Variants in REV1 observed in about 807,000 individuals in gnomAD.
The protein encoded by REV1 is REV1 DNA directed polymerase.
In REV1, 42 loss-of-function variants were observed where a neutral mutation model predicts 137.4. The observed-to-expected ratio is 0.31, with a 90% CI of 0.24 to 0.40. REV1 has a LOEUF of 0.40. Ranked by LOEUF, REV1 falls within the 10% of genes least tolerant of loss-of-function variation. The pLI is 1.00. For synonymous variants in REV1, 524 were observed against 519.2 expected, an observed-to-expected ratio of 1.01 and a Z score of -0.12; for missense variants, 1,282 against 1,490.1, an observed-to-expected ratio of 0.86 and a Z score of 2.30.
chr2:99,408,274 C>T (rs1676622201), intron 14 of REV1, 143 bp from the exon 15 acceptor site: 1 of 422,736 alleles, frequency 2.4e-6, no homozygotes, highest in East Asian at 3.6e-5. Flanking sequence ...CCATAGTCTC[C>T]CTTCAAGGAA....
intron 1 of REV1, among the ~76,000 whole-genome samples, chr2:99,467,999 G>T (rs1315727816): frequency 6.6e-6 from 1 of 152,150 alleles, no homozygotes; most frequent in Non-Finnish European, 1.5e-5. Context: ...TGACCAACAT[G>T]GAGAAACCCT....
intron 1 of REV1, among the ~76,000 whole-genome samples, chr2:99,474,013 T>C (rs1202241074): frequency 6.6e-6 from 1 of 152,126 alleles, no homozygotes; most frequent in Admixed American, 6.6e-5. Flanking sequence ...TTGCAGAAAA[T>C]TGGAAAATAC....
intron 1 of REV1, among the ~76,000 whole-genome samples, chr2:99,477,188 G>A (rs916127146): frequency 3.9e-5 from 6 of 152,176 alleles, no homozygotes; most frequent in African/African-American, 1.2e-4. Context: ...GAGGCAGAGT[G>A]GGCAACCAGA....
At chr2:99,458,546 TG>T (rs1683788770) in intron 3 of REV1, among the ~76,000 whole-genome samples, 1 of 152,218 alleles carries the variant, frequency 6.6e-6, no homozygotes, top group Admixed American at 6.5e-5. Context: ...AAACTAAAGA[TG>T]TAACTATTAC....
intron 1 of REV1, among the ~76,000 whole-genome samples, chr2:99,466,151 C>G (rs1206808100): frequency 6.6e-6 from 1 of 152,132 alleles, no homozygotes; most frequent in East Asian, 1.9e-4. Flanking sequence ...CGGCGTTTCA[C>G]CATGTGAGCC....
intron 2 of REV1, among the ~76,000 whole-genome samples, chr2:99,463,216 C>G (rs2105127857): frequency 6.6e-6 from 1 of 151,740 alleles, no homozygotes; most frequent in South Asian, 2.1e-4. Context: ...TTAAAAAAAG[C>G]TAAGTCAATA....
At chr2:99,429,991 G>T in intron 8 of REV1, 43 bp from the exon 9 acceptor site, 2 of 1,203,844 alleles carry the variant, frequency 1.7e-6, no homozygotes, top group Non-Finnish European at 1.1e-6. Context: ...GTTATAAACT[G>T]ATTTTCCCTC....
At position 99,471,850 on chromosome 2, in the gene REV1, A is replaced by C. The variant is rs183648345; in HGVS notation, c.-10-6865T>G. ...CTATGGAAATGCAAATAGAAACCACAATGAGATACCACCTCACACCCAGCA... is the reference window on the plus strand; with the variant it reads ...CTATGGAAATGCAAATAGAAACCACCATGAGATACCACCTCACACCCAGCA... On this transcript the variant is annotated intron_variant, in intron 1 of 22. Coordinates refer to ENST00000258428, the MANE Select transcript of REV1 (RefSeq NM_016316.4). Among the ~76,000 whole-genome samples the C allele has an allele frequency of 2.0e-3, 299 of 151,600 alleles. 2 individuals are homozygous for C. The highest frequency in any genetic ancestry group is 7.0e-3 in the African/African-American group (291 of 41,318).
At chr2:99,462,136 C>T (rs896590232) in intron 3 of REV1, among the ~76,000 whole-genome samples, 1 of 152,138 alleles carries the variant, frequency 6.6e-6, no homozygotes, top group African/African-American at 2.4e-5. Flanking sequence ...GACACACACC[C>T]ACACACCACC....
chr2:99,426,346 T>C (rs1171583185), intron 9 of REV1, among the ~76,000 whole-genome samples: 3 of 143,896 alleles, frequency 2.1e-5, no homozygotes, highest in Admixed American at 6.9e-5. Context: ...AAATTCTATC[T>C]CAAAAAAAAA....
At chr2:99,404,413 C>T (rs921743732) in intron 18 of REV1, 31 bp downstream of exon 18, 3 of 1,548,684 alleles carry the variant, frequency 1.9e-6, no homozygotes, top group Non-Finnish European at 2.7e-6. Flanking sequence ...AATATTGAAA[C>T]TACAGCAGAG....
intron 3 of REV1, among the ~76,000 whole-genome samples, chr2:99,455,130 C>T (rs1472156322): frequency 6.6e-6 from 1 of 152,218 alleles, no homozygotes; most frequent in East Asian, 1.9e-4. Flanking sequence ...GCACCATTTC[C>T]TCCTGCATAT....
At chr2:99,424,115 A>G (rs530809809) in intron 10 of REV1, 37 bp downstream of exon 10, 2 of 1,600,836 alleles carry the variant, frequency 1.2e-6, no homozygotes, top group East Asian at 2.3e-5. Flanking sequence ...AAAAGAAGGA[A>G]AACACAGACA....
At chr2:99,480,159 A>T (rs1400218670) in intron 1 of REV1, among the ~76,000 whole-genome samples, 1 of 152,166 alleles carries the variant, frequency 6.6e-6, no homozygotes, top group Non-Finnish European at 1.5e-5. Flanking sequence ...GTCTCCACAA[A>T]AAATTTGTTT....
intron 7 of REV1, 41 bp downstream of exon 7, chr2:99,435,791 AAC>A: frequency 1.0e-6 from 1 of 964,178 alleles, no homozygotes; most frequent in Non-Finnish European, 1.6e-6. Flanking sequence ...ATATATTTAT[AAC>A]AATATATCAG....
At position 99,418,892 on chromosome 2, in the gene REV1, C is replaced by T. The variant is rs1320672966; in HGVS notation, c.1887G>A (p.Gln629=). 12 of 1,612,064 alleles carry T rather than the reference C, an allele frequency of 7.4e-6. No individual in the cohort carries two copies. The highest frequency in any genetic ancestry group is 9.3e-6 in the Non-Finnish European group (11 of 1,178,546). The change falls in exon 12 of 23, where the codon CAG becomes CAA. Residue 629 remains glutamine (Q), a synonymous_variant. Coordinates refer to ENST00000258428, the MANE Select transcript of REV1 (RefSeq NM_016316.4). The part of the protein sequence containing the change: ...MATRKAKPDG[Q]YHLKPEEVDD... ...CTACTTCTTCTGGTTTTAGGTGGTACTGCCCATCTGGTTTTGCTTTTCTAG... is the reference window on the plus strand; with the variant it reads ...CTACTTCTTCTGGTTTTAGGTGGTATTGCCCATCTGGTTTTGCTTTTCTAG...
intron 1 of REV1, among the ~76,000 whole-genome samples, chr2:99,466,395 A>G (rs1341966919): frequency 6.6e-6 from 1 of 151,936 alleles, no homozygotes; most frequent in Non-Finnish European, 1.5e-5. Flanking sequence ...GGCACCTGCC[A>G]CCATGCCTGG....
At chr2:99,431,976 C>T in intron 8 of REV1, 1 of 841,120 alleles carries the variant, frequency 1.2e-6, no homozygotes, top group Non-Finnish European at 1.4e-6. Flanking sequence ...AAATCTATGA[C>T]TAATACGATT....
At chr2:99,443,259 G>T (rs1177451537) in intron 4 of REV1, among the ~76,000 whole-genome samples, 1 of 151,968 alleles carries the variant, frequency 6.6e-6, no homozygotes, top group Non-Finnish European at 1.5e-5. Context: ...TTTAATATTA[G>T]AAAATATTTC....
Sources: gnomAD v4.1 joint callset for allele counts (sites outside exome capture counted in the v4.1 genomes callset) on GRCh38, gnomAD v4.1.1 for gene constraint, MANE v1.5 for transcripts, NCBI Gene and HGNC (gene_info 2026-07-23, HGNC 2026-07-21) for gene names.